TAFA1: variants seen among roughly 807,000 people sequenced by gnomAD.
The protein encoded by TAFA1 is TAFA chemokine like family member 1.
Under a neutral mutation model 18.5 loss-of-function variants are expected in TAFA1, and 4 were observed. The observed-to-expected ratio is 0.22, with a 90% CI of 0.11 to 0.49. The LOEUF (loss-of-function observed/expected upper bound fraction) is 0.49, where lower values mean the gene tolerates loss of function less well. Ranked by LOEUF, TAFA1 falls within the 20% of genes least tolerant of loss-of-function variation. The probability of loss-of-function intolerance (pLI) is 0.98; values close to 1 mark genes in which losing one functional copy is unlikely to be tolerated. For missense variants in TAFA1, 147 were observed against 169.0 expected, an observed-to-expected ratio of 0.87 and a Z score of 0.72; for synonymous variants, 56 against 55.2, an observed-to-expected ratio of 1.01 and a Z score of -0.06.
chr3:68,274,163 G>C (rs1316313737), intron 2 of TAFA1, among the ~76,000 whole-genome samples: 1 of 152,124 alleles, frequency 6.6e-6, no homozygotes, highest in Non-Finnish European at 1.5e-5. Flanking sequence ...CTATTCAGTT[G>C]TGTGCATGAA....
intron 3 of TAFA1, among the ~76,000 whole-genome samples, chr3:68,523,228 GT>G (rs1470507520): frequency 3.9e-5 from 6 of 152,196 alleles, no homozygotes; most frequent in Non-Finnish European, 5.9e-5. Flanking sequence ...CTGCTCAGTT[GT>G]TTTTATAAAC....
rs63748968 is a variant in TAFA1, at chr3:68,246,589, CAAAAAAAAAAAAAAAAAAAAAA to C, written c.119-170676_119-170655del. Among the ~76,000 whole-genome samples, 56 of 55,358 alleles carry C rather than the reference CAAAAAAAAAAAAAAAAAAAAAA, an allele frequency of 1.0e-3. 1 individual carries two copies. The highest frequency in any genetic ancestry group is 3.8e-3 in the African/African-American group (52 of 13,780). The allele number at this position is 55,358 out of a possible 152,430, so 36.3% of individuals were successfully genotyped here. On this transcript the variant is annotated intron_variant, in intron 2 of 4. Coordinates refer to ENST00000478136, the MANE Select transcript of TAFA1 (RefSeq NM_213609.4). ...TGGGCGACAGAGCGGGACTCCGTCT[CAAAAAAAAAAAAAAAAAAAAAA>C]AAAAAAAAAAAAAATTGAGAAGGTA...
chr3:68,502,326 C>T (rs145314009), intron 3 of TAFA1, among the ~76,000 whole-genome samples: 1 of 152,084 alleles, frequency 6.6e-6, no homozygotes, highest in African/African-American at 2.4e-5. Context: ...TAAATTTGAG[C>T]CTTCTTGTGC....
At chr3:68,048,961 C>T (rs2064431520) in intron 2 of TAFA1, among the ~76,000 whole-genome samples, 1 of 152,128 alleles carries the variant, frequency 6.6e-6, no homozygotes, top group Non-Finnish European at 1.5e-5. Flanking sequence ...GGTTTCTTTT[C>T]TTTGGGGCAT....
chr3:68,136,809 A>T (rs2065614067), intron 2 of TAFA1, among the ~76,000 whole-genome samples: 1 of 152,150 alleles, frequency 6.6e-6, no homozygotes, highest in Admixed American at 6.5e-5. Context: ...TCTCTCTTCC[A>T]TCAGTGTACA....
intron 2 of TAFA1, among the ~76,000 whole-genome samples, chr3:68,411,246 A>G (rs959829063): frequency 3.3e-5 from 5 of 152,188 alleles, no homozygotes; most frequent in Admixed American, 2.0e-4. Flanking sequence ...TGGGCTCTTG[A>G]TGTAGCCAAA....
chr3:68,522,625 G>A (rs535633937), intron 3 of TAFA1, among the ~76,000 whole-genome samples: 1 of 152,328 alleles, frequency 6.6e-6, no homozygotes, highest in Non-Finnish European at 1.5e-5. Flanking sequence ...TAGGTGGGCA[G>A]ATCACTTGAG....
chr3:68,449,377 A>G (rs949761955), intron 3 of TAFA1, among the ~76,000 whole-genome samples: 1 of 152,158 alleles, frequency 6.6e-6, no homozygotes, highest in African/African-American at 2.4e-5. Flanking sequence ...AAGGGCGAGA[A>G]CAGAGAAGGT....
intron 2 of TAFA1, among the ~76,000 whole-genome samples, chr3:68,300,574 G>T (rs191267916): frequency 7.6e-4 from 115 of 152,218 alleles, no homozygotes; most frequent in African/African-American, 2.6e-3. Context: ...GGACTGTTAG[G>T]AAGGCATGAT....
At chr3:68,016,531 C>T (rs1349220173) in intron 2 of TAFA1, among the ~76,000 whole-genome samples, 3 of 152,098 alleles carry the variant, frequency 2.0e-5, no homozygotes, top group Non-Finnish European at 4.4e-5. Flanking sequence ...ACATTCTGTA[C>T]CCTGATGTGC....
At chr3:68,130,613 C>G (rs560457666) in intron 2 of TAFA1, among the ~76,000 whole-genome samples, 14 of 152,354 alleles carry the variant, frequency 9.2e-5, no homozygotes, top group South Asian at 2.1e-4. Flanking sequence ...GTTTGTGCCA[C>G]TGCCTACAAA....
chr3:68,307,244 G>A (rs1491763), intron 2 of TAFA1, among the ~76,000 whole-genome samples: 19,449 of 152,150 alleles, frequency 0.13, 1,872 homozygotes, highest in East Asian at 0.45. Context: ...GTTACTTAGA[G>A]TGTTTATTTG....
chr3:68,255,090 A>G (rs1218823811), intron 2 of TAFA1, among the ~76,000 whole-genome samples: 4 of 152,194 alleles, frequency 2.6e-5, no homozygotes, highest in South Asian at 2.1e-4. Context: ...AAAGGAAGCA[A>G]TACATCAAAT....
chr3:68,096,667 A>G (rs1014347598), intron 2 of TAFA1, among the ~76,000 whole-genome samples: 4 of 152,160 alleles, frequency 2.6e-5, no homozygotes, highest in African/African-American at 4.8e-5. Flanking sequence ...ATATAGGACA[A>G]CAAAGCCTGT....
intron 3 of TAFA1, among the ~76,000 whole-genome samples, chr3:68,494,674 C>A (rs1297898124): frequency 6.6e-6 from 1 of 152,198 alleles, no homozygotes; most frequent in African/African-American, 2.4e-5. Context: ...TGATACCTCA[C>A]AAGCTCTGGG....
At chr3:68,148,015 A>G (rs2065763426) in intron 2 of TAFA1, among the ~76,000 whole-genome samples, 1 of 152,230 alleles carries the variant, frequency 6.6e-6, no homozygotes, top group Admixed American at 6.5e-5. Flanking sequence ...TTTGAGAAAA[A>G]GCAGGACTCT....
At chr3:68,294,274 G>A (rs943007541) in intron 2 of TAFA1, among the ~76,000 whole-genome samples, 7 of 152,082 alleles carry the variant, frequency 4.6e-5, no homozygotes, top group African/African-American at 1.4e-4. Context: ...AAATTTTCAT[G>A]TAGCCACATT....
intron 2 of TAFA1, among the ~76,000 whole-genome samples, chr3:68,393,723 AAATAT>A (rs2070312536): frequency 6.6e-6 from 1 of 152,306 alleles, no homozygotes; most frequent in East Asian, 1.9e-4. Flanking sequence ...GCAAATCAAT[AAATAT>A]AATCCATCAC....
chr3:68,021,314 A>G lies in TAFA1; in HGVS notation c.118+14570A>G, dbSNP rs542499808. ...ATAACTCATTAAAGGGAAATAATCC[A>G]AAAGTTAGCACTGGTGTTTTGTGAC... On this transcript the variant is annotated intron_variant, in intron 2 of 4. Transcript: ENST00000478136. 1.2e-4 allele frequency among the ~76,000 whole-genome samples: 18 copies of G among 152,228 alleles called. No individual in the cohort carries two copies. The South Asian group carries it at 3.3e-3, about 28-fold the overall frequency.
Sources: allele counts gnomAD v4.1 joint callset (sites outside exome capture counted in the v4.1 genomes callset), GRCh38; gene constraint gnomAD v4.1.1; transcripts MANE v1.5; gene names NCBI Gene and HGNC (gene_info 2026-07-23, HGNC 2026-07-21).